KCNMA1: variants seen among roughly 807,000 people sequenced by gnomAD.
KCNMA1 encodes potassium calcium-activated channel subfamily M alpha 1, also known as Calcium-activated potassium channel subunit alpha-1.
In KCNMA1, 29 loss-of-function variants were observed where a neutral mutation model predicts 140.0. That is an observed-to-expected ratio of 0.21 (90% CI 0.15 to 0.28). The LOEUF is 0.28. Among genes scored for constraint, KCNMA1 ranks in the 10% least tolerant of loss-of-function variants. The probability of loss-of-function intolerance (pLI) is 1.00; values close to 1 mark genes in which losing one functional copy is unlikely to be tolerated. For synonymous variants in KCNMA1, 612 were observed against 611.9 expected (o/e 1.00, Z 0.00); for missense variants, 880 against 1,602.2 (o/e 0.55, Z 7.70).
At chr10:76,890,026 G>A (rs2039220436) in intron 26 of KCNMA1, among the ~76,000 whole-genome samples, 1 of 152,190 alleles carries the variant, frequency 6.6e-6, no homozygotes, top group Non-Finnish European at 1.5e-5. Context: ...CCACCGCAAG[G>A]AGGAGGACCC....
chr10:77,052,537 C>A (rs1446465145), intron 14 of KCNMA1, among the ~76,000 whole-genome samples: 2 of 150,678 alleles, frequency 1.3e-5, no homozygotes, highest in African/African-American at 4.9e-5. Flanking sequence ...TATCAAATGG[C>A]TTTGCTACTC....
intron 1 of KCNMA1, among the ~76,000 whole-genome samples, chr10:77,532,357 A>G (rs572230654): frequency 3.8e-4 from 58 of 152,344 alleles, no homozygotes; most frequent in African/African-American, 1.4e-3. Context: ...CCGCCAGTAC[A>G]GTGGGCTCTC....
chr10:77,550,637 A>T (rs1160628786), intron 1 of KCNMA1, among the ~76,000 whole-genome samples: 1 of 152,164 alleles, frequency 6.6e-6, no homozygotes, highest in African/African-American at 2.4e-5. Flanking sequence ...TCCCCAGGGA[A>T]CCAGGCCGCG....
At chr10:76,978,691 T>C (rs1254943695) in intron 19 of KCNMA1, 1 of 152,182 alleles carries the variant, frequency 6.6e-6, no homozygotes, top group Non-Finnish European at 1.5e-5. Context: ...GATTTGGATT[T>C]ACTGTAGGTC....
chr10:76,913,969 G>A (rs891757147), intron 24 of KCNMA1: 7 of 1,001,732 alleles, frequency 7.0e-6, no homozygotes, highest in Non-Finnish European at 1.1e-5. Flanking sequence ...GTTACAGCCG[G>A]TGAAATAAAA....
At chr10:76,987,952 C>A (rs1360569413) in intron 19 of KCNMA1, among the ~76,000 whole-genome samples, 2 of 152,038 alleles carry the variant, frequency 1.3e-5, no homozygotes, top group Non-Finnish European at 2.9e-5. Flanking sequence ...GGTTTGGTGG[C>A]AAGAGGAACT....
intron 2 of KCNMA1, among the ~76,000 whole-genome samples, chr10:77,303,794 C>A (rs1023338566): frequency 6.6e-6 from 1 of 152,178 alleles, no homozygotes; most frequent in Non-Finnish European, 1.5e-5. Context: ...TGGATTCTTG[C>A]TTCAGGGTCT....
intron 5 of KCNMA1, among the ~76,000 whole-genome samples, chr10:77,152,278 T>TTGTGTGTGTGTGTGTGTGTGTGTG (rs72088425): frequency 0.01 from 999 of 99,076 alleles, 15 homozygotes; most frequent in African/African-American, 0.03. Flanking sequence ...TTTTTTGCTT[T>TTGTGTGTGTGTGTGTGTGTGTGTG]TGTGTGTGTG....
chr10:77,298,227 C>G (rs996959074), intron 2 of KCNMA1, among the ~76,000 whole-genome samples: 1 of 152,038 alleles, frequency 6.6e-6, no homozygotes, highest in Non-Finnish European at 1.5e-5. Flanking sequence ...TCAGAAATAC[C>G]TGGGGAGCTT....
intron 2 of KCNMA1, among the ~76,000 whole-genome samples, chr10:77,298,043 C>T (rs1031434886): frequency 6.6e-6 from 1 of 152,132 alleles, no homozygotes; most frequent in Admixed American, 6.5e-5. Flanking sequence ...TTGAAGTTGT[C>T]AAGAAACTGG....
At chr10:76,897,035 C>CAT (rs1332692927) in intron 25 of KCNMA1, among the ~76,000 whole-genome samples, 5 of 151,858 alleles carry the variant, frequency 3.3e-5, no homozygotes, top group African/African-American at 1.2e-4. Context: ...CACACACACA[C>CAT]ACACACACAC....
intron 20 of KCNMA1, among the ~76,000 whole-genome samples, chr10:76,965,478 C>T (rs2073516202): frequency 5.3e-5 from 8 of 152,104 alleles, no homozygotes; most frequent in Admixed American, 4.6e-4. Flanking sequence ...CCAGTGATTC[C>T]CCCAAAACAC....
At position 77,515,214 on chromosome 10, in the gene KCNMA1, G is replaced by A. The variant is rs974155945; in HGVS notation, c.379-111191C>T. On this transcript the variant is annotated intron_variant, in intron 1 of 27. Transcript: ENST00000286628. ...GTGCTGCATTCAGCACCGGGGGATG[G>A]GGGGGAAAGGAGAGCGTGCAATGGC... 3.3e-5 allele frequency among the ~76,000 whole-genome samples: 5 copies of A among 152,226 alleles called. No homozygotes were observed. The East Asian group carries it at 9.7e-4, about 29-fold the overall frequency.
intron 2 of KCNMA1, among the ~76,000 whole-genome samples, chr10:77,297,197 C>A (rs934454463): frequency 6.6e-6 from 1 of 152,142 alleles, no homozygotes; most frequent in Non-Finnish European, 1.5e-5. Context: ...AACTACAAAA[C>A]AAGGACACAT....
At chr10:77,501,819 T>C (rs1240235554) in intron 1 of KCNMA1, among the ~76,000 whole-genome samples, 1 of 152,222 alleles carries the variant, frequency 6.6e-6, no homozygotes, top group East Asian at 1.9e-4. Flanking sequence ...AAATTCTCTC[T>C]GTCTGTGAGC....
At chr10:77,304,232 C>T (rs2077157889) in intron 2 of KCNMA1, among the ~76,000 whole-genome samples, 1 of 152,154 alleles carries the variant, frequency 6.6e-6, no homozygotes, top group Non-Finnish European at 1.5e-5. Context: ...TAGGGAGGCC[C>T]CTGAGAAATG....
chr10:77,244,343 G>A (rs2058067806), intron 3 of KCNMA1, among the ~76,000 whole-genome samples: 1 of 152,154 alleles, frequency 6.6e-6, no homozygotes, highest in Non-Finnish European at 1.5e-5. Flanking sequence ...GACCTGAAAG[G>A]TTCAGCTCAG....
intron 3 of KCNMA1, among the ~76,000 whole-genome samples, chr10:77,236,006 A>G (rs1215223735): frequency 6.6e-6 from 1 of 152,144 alleles, no homozygotes; most frequent in Admixed American, 6.5e-5. Context: ...AGAAAGTCTA[A>G]CAATGTCATT....
intron 2 of KCNMA1, among the ~76,000 whole-genome samples, chr10:77,339,624 G>T (rs1177699122): frequency 6.6e-6 from 1 of 152,198 alleles, no homozygotes; most frequent in Admixed American, 6.5e-5. Context: ...CCTCCACTAG[G>T]GGAGGGTTAC....
Sources: gnomAD v4.1 joint callset for allele counts (sites outside exome capture counted in the v4.1 genomes callset) on GRCh38, gnomAD v4.1.1 for gene constraint, MANE v1.5 for transcripts, NCBI Gene and HGNC (gene_info 2026-07-23, HGNC 2026-07-21) for gene names.